MON2: variants seen among roughly 807,000 people sequenced by gnomAD.
MON2 encodes protein MON2 homolog.
A neutral mutation model predicts 208.6 loss-of-function variants in MON2; 84 were observed. That is an observed-to-expected ratio of 0.40 (90% CI 0.34 to 0.48). The LOEUF is 0.48. Ranked by LOEUF, MON2 falls within the 20% of genes least tolerant of loss-of-function variation. MON2 has a pLI of 0.59. For missense variants in MON2, 1,611 were observed against 2,015.4 expected, an observed-to-expected ratio of 0.80 and a Z score of 3.84; for synonymous variants, 660 against 694.0, an observed-to-expected ratio of 0.95 and a Z score of 0.77.
chr12:62,584,727 A>AAC (rs1386320601), intron 32 of MON2, among the ~76,000 whole-genome samples: 1 of 151,012 alleles, frequency 6.6e-6, no homozygotes, highest in African/African-American at 2.4e-5. Flanking sequence ...AAAAAAAAAA[A>AAC]AGGAGATCTT....
chr12:62,543,076 T>G, intron 19 of MON2, 21 bp from the exon 20 acceptor site: 2 of 1,330,448 alleles, frequency 1.5e-6, no homozygotes, highest in South Asian at 2.7e-5. Context: ...ACTATCAAAA[T>G]ACAATGTATT....
intron 11 of MON2, among the ~76,000 whole-genome samples, chr12:62,527,282 G>A (rs7965248): frequency 0.82 from 124,562 of 152,070 alleles, 51,201 homozygotes; most frequent in African/African-American, 0.88. Context: ...ATGAAACAGA[G>A]TCTTCGGCTA....
chr12:62,580,160 A>G (rs1346476005), intron 31 of MON2, 137 bp from the exon 32 acceptor site: 5 of 799,054 alleles, frequency 6.3e-6, no homozygotes, highest in Non-Finnish European at 9.8e-6. Flanking sequence ...TGTTAACATT[A>G]AAATGTTTGT....
intron 7 of MON2, among the ~76,000 whole-genome samples, chr12:62,504,106 AT>A (rs2070979395): frequency 6.6e-6 from 1 of 152,130 alleles, no homozygotes; most frequent in Non-Finnish European, 1.5e-5. Flanking sequence ...TGCCTGGCAT[AT>A]GGCAGGTGTT....
At position 62,561,012 on chromosome 12, in the gene MON2, A is replaced by G. The variant is rs1160051110; in HGVS notation, c.3931A>G (p.Ile1311Val). 6.2e-6 allele frequency: 10 copies of G among 1,613,844 alleles called. No homozygotes were observed. The highest frequency in any genetic ancestry group is 8.5e-6 in the Non-Finnish European group (10 of 1,179,750). Residue 1311 changes from isoleucine (I) to valine (V), a missense_variant, in exon 26 of 35, where the codon ATA becomes GTA. Physicochemically the swap from Ile to Val is conservative, Grantham distance 29 (BLOSUM62 3). Transcript: ENST00000393630. ...VILHSAISVP[I>V]SSDASPFILP... is the part of the protein sequence containing the mutation. ...ATTGCACAGTGCTATTTCAGTCCCAATAAGTTCAGATGCATCCCCTTTTAT... is the reference window on the plus strand; with the variant it reads ...ATTGCACAGTGCTATTTCAGTCCCAGTAAGTTCAGATGCATCCCCTTTTAT...
chr12:62,530,141 A>G (rs981291907), intron 11 of MON2, among the ~76,000 whole-genome samples: 1 of 151,938 alleles, frequency 6.6e-6, no homozygotes, highest in South Asian at 2.1e-4. Flanking sequence ...TTTACCCCCA[A>G]ACCTCCACCC....
At chr12:62,545,073 T>C in intron 21 of MON2, 65 bp downstream of exon 21, 1 of 1,052,472 alleles carries the variant, frequency 9.5e-7, no homozygotes, top group South Asian at 1.8e-5. Context: ...CATATGTGAT[T>C]TTTTTCTTAT....
At chr12:62,502,213 C>CT (rs1003601154) in intron 7 of MON2, among the ~76,000 whole-genome samples, 51 of 152,114 alleles carry the variant, frequency 3.4e-4, no homozygotes, top group Middle Eastern at 6.8e-3. Context: ...GAGCAAGACT[C>CT]TGTCTCAAAA....
At chr12:62,497,171 G>T (rs1368066268) in intron 4 of MON2, among the ~76,000 whole-genome samples, 3 of 129,666 alleles carry the variant, frequency 2.3e-5, no homozygotes, top group Non-Finnish European at 3.3e-5. Flanking sequence ...GTTGGGGGAG[G>T]GGGGAGGGGG....
At chr12:62,543,329 TG>T (rs2073324663) in intron 20 of MON2, 131 bp downstream of exon 20, 1 of 434,058 alleles carries the variant, frequency 2.3e-6, no homozygotes, top group African/African-American at 2.0e-5. Flanking sequence ...TACTTACTTA[TG>T]TTTGTACATT....
intron 4 of MON2, among the ~76,000 whole-genome samples, chr12:62,498,105 A>G (rs2070630694): frequency 6.6e-6 from 1 of 151,748 alleles, no homozygotes; most frequent in Admixed American, 6.6e-5. Flanking sequence ...AGGTAAATGG[A>G]TAAGCAAAAT....
chr12:62,535,869 G>A (rs1037482721), intron 14 of MON2, among the ~76,000 whole-genome samples, 160 bp downstream of exon 14: 1 of 98,984 alleles, frequency 1.0e-5, no homozygotes, highest in East Asian at 3.7e-4. Context: ...ATATGGGGTG[G>A]GGGGTGGGGG....
chr12:62,469,878 A>ATT lies in MON2; in HGVS notation c.111+2561_111+2562dup, dbSNP rs1166736071. 2.1e-5 allele frequency among the ~76,000 whole-genome samples: 3 copies of ATT among 141,006 alleles called. No individual in the cohort carries two copies. The East Asian group carries it at 6.7e-4, about 32-fold the overall frequency. The allele number at this position is 141,006 out of a possible 152,430, so 92.5% of individuals were successfully genotyped here. A position where few individuals can be genotyped will look rare whatever the true frequency, so the allele number is the denominator to read the frequency against. On this transcript the variant is annotated intron_variant, in intron 1 of 34. Coordinates refer to ENST00000393630, the MANE Select transcript of MON2 (RefSeq NM_015026.3). ...TCTTTTATGGCCATAGTGCTTGACT[A>ATT]TTATTTTATTTATTTATTTATTTAT...
chr12:62,469,223 G>T (rs1475115295), intron 1 of MON2, among the ~76,000 whole-genome samples: 1 of 151,224 alleles, frequency 6.6e-6, no homozygotes, highest in African/African-American at 2.4e-5. Context: ...GATTACAGGT[G>T]TGAACCACCA....
chr12:62,512,557 T>C (rs569259380), intron 8 of MON2, among the ~76,000 whole-genome samples: 2 of 152,328 alleles, frequency 1.3e-5, no homozygotes, highest in African/African-American at 4.8e-5. Flanking sequence ...GCTCCACTCC[T>C]GTGGCTTTGC....
chr12:62,478,940 A>G (rs1270049680), intron 1 of MON2, among the ~76,000 whole-genome samples: 2 of 152,126 alleles, frequency 1.3e-5, no homozygotes, highest in East Asian at 1.9e-4. Context: ...GTTGAGGGAA[A>G]AAACCCTGGT....
intron 6 of MON2, among the ~76,000 whole-genome samples, 174 bp from the exon 7 acceptor site, chr12:62,501,399 T>C (rs2070823251): frequency 6.6e-6 from 1 of 152,250 alleles, no homozygotes; most frequent in Non-Finnish European, 1.5e-5. Flanking sequence ...AGTTTACTTA[T>C]ATAATCTATC....
intron 1 of MON2, among the ~76,000 whole-genome samples, chr12:62,471,263 A>G (rs1372595950): frequency 1.3e-5 from 2 of 151,866 alleles, no homozygotes; most frequent in Non-Finnish European, 2.9e-5. Context: ...GCTCACTGCA[A>G]CCTCCGCCTC....
At chr12:62,499,371 G>A (rs2070714439) in intron 5 of MON2, among the ~76,000 whole-genome samples, 1 of 151,760 alleles carries the variant, frequency 6.6e-6, no homozygotes, top group Non-Finnish European at 1.5e-5. Flanking sequence ...TTTAATGATT[G>A]CATTATATTT....
Sources: gnomAD v4.1 joint callset for allele counts (sites outside exome capture counted in the v4.1 genomes callset) on GRCh38, gnomAD v4.1.1 for gene constraint, MANE v1.5 for transcripts, NCBI Gene and HGNC (gene_info 2026-07-23, HGNC 2026-07-21) for gene names.